KCNIP4: variants seen among roughly 807,000 people sequenced by gnomAD.
The protein encoded by KCNIP4 is Kv channel-interacting protein 4.
KCNIP4 carries 12 observed loss-of-function variants against 34.0 expected under a neutral mutation model. The observed-to-expected ratio is 0.35, with a 90% CI of 0.23 to 0.57. KCNIP4 has a LOEUF of 0.57. KCNIP4 is among the 20% of genes least tolerant of loss of function. The pLI is 0.83. For synonymous variants in KCNIP4, 124 were observed against 102.2 expected (o/e 1.21, Z -1.29); for missense variants, 238 against 311.7 (o/e 0.76, Z 1.78).
At chr4:21,178,827 T>G (rs1252521399) in intron 1 of KCNIP4, among the ~76,000 whole-genome samples, 2 of 150,738 alleles carry the variant, frequency 1.3e-5, no homozygotes, top group Admixed American at 1.3e-4. Flanking sequence ...TTTTTTTTTT[T>G]TTTTTTTGTT....
At chr4:21,730,455 G>A (rs1382668676) in intron 1 of KCNIP4, among the ~76,000 whole-genome samples, 1 of 152,160 alleles carries the variant, frequency 6.6e-6, no homozygotes. Context: ...ATGAATGACA[G>A]CAGGTAAGCG....
chr4:21,138,852 CG>C (rs1402600104), intron 1 of KCNIP4, among the ~76,000 whole-genome samples: 3 of 152,090 alleles, frequency 2.0e-5, no homozygotes, highest in African/African-American at 7.2e-5. Flanking sequence ...GGCAGGAGTG[CG>C]GGCAGCCTGG....
chr4:21,702,701 C>A (rs1197093703), intron 1 of KCNIP4, among the ~76,000 whole-genome samples: 1 of 151,930 alleles, frequency 6.6e-6, no homozygotes, highest in Admixed American at 6.6e-5. Context: ...TAATTCTTCA[C>A]AATCTCTTCC....
intron 3 of KCNIP4, among the ~76,000 whole-genome samples, chr4:20,802,320 C>T (rs1370787714): frequency 6.7e-6 from 1 of 150,090 alleles, no homozygotes; most frequent in African/African-American, 2.4e-5. Flanking sequence ...TATATGCACA[C>T]ACACACACGT....
chr4:20,744,809 A>T (rs949697128), intron 5 of KCNIP4, among the ~76,000 whole-genome samples: 1 of 152,184 alleles, frequency 6.6e-6, no homozygotes, highest in Non-Finnish European at 1.5e-5. Context: ...AGCACGTTTA[A>T]GTCAAGTGTG....
chr4:21,155,966 ATTGGACACAAC>A (rs1753121191), intron 1 of KCNIP4, among the ~76,000 whole-genome samples: 1 of 152,156 alleles, frequency 6.6e-6, no homozygotes. Context: ...AAAAATTGTC[ATTGGACACAAC>A]TTTATACCAC....
chr4:21,845,487 C>T (rs1014644239), intron 1 of KCNIP4: 2 of 152,060 alleles, frequency 1.3e-5, no homozygotes, highest in African/African-American at 4.8e-5. Flanking sequence ...CATTTGCTTA[C>T]CTCTGTCCTA....
intron 1 of KCNIP4, among the ~76,000 whole-genome samples, chr4:21,331,183 C>T (rs1715601029): frequency 6.6e-6 from 1 of 152,120 alleles, no homozygotes; most frequent in Non-Finnish European, 1.5e-5. Context: ...TATGCAGATA[C>T]AGTTTTCCCT....
In KCNIP4 at chr4:21,399,439, TA is replaced by T. The variant is rs577582143; in HGVS notation, c.62-516731del. On this transcript the variant is annotated intron_variant, in intron 1 of 8. Coordinates refer to ENST00000382152, the MANE Select transcript of KCNIP4 (RefSeq NM_025221.6). ...AGAGTAGAAGCCAGAGCTGAGAGAT[TA>T]AATGGATTCCTAATGACATATTAAA... Among the ~76,000 whole-genome samples, 494 of 152,296 alleles carry T rather than the reference TA, an allele frequency of 3.2e-3. 2 individuals carry two copies. The highest frequency in any genetic ancestry group is 0.011 in the African/African-American group (474 of 41,572).
intron 1 of KCNIP4, among the ~76,000 whole-genome samples, chr4:21,388,195 A>G (rs1722212315): frequency 6.6e-6 from 1 of 151,968 alleles, no homozygotes; most frequent in Non-Finnish European, 1.5e-5. Context: ...GATTACCATC[A>G]CTAAAATATA....
At chr4:21,232,577 T>C (rs1758875678) in intron 1 of KCNIP4, among the ~76,000 whole-genome samples, 1 of 152,188 alleles carries the variant, frequency 6.6e-6, no homozygotes, top group Admixed American at 6.5e-5. Flanking sequence ...AAATTATTAT[T>C]GAGAATTTAC....
At chr4:21,250,393 T>C (rs1049283315) in intron 1 of KCNIP4, among the ~76,000 whole-genome samples, 7 of 152,118 alleles carry the variant, frequency 4.6e-5, no homozygotes, top group Non-Finnish European at 8.8e-5. Flanking sequence ...TCTTCACAAA[T>C]GACAGTGAAT....
chr4:21,640,866 G>C (rs1221964286), intron 1 of KCNIP4, among the ~76,000 whole-genome samples: 1 of 152,168 alleles, frequency 6.6e-6, no homozygotes, highest in Non-Finnish European at 1.5e-5. Context: ...GTTGGTGACA[G>C]ATAGGGATTC....
intron 1 of KCNIP4, among the ~76,000 whole-genome samples, chr4:21,087,497 C>G (rs1746578093): frequency 6.6e-6 from 1 of 151,930 alleles, no homozygotes; most frequent in African/African-American, 2.4e-5. Flanking sequence ...CATGTTGGCC[C>G]AGTTGGTCTG....
intron 1 of KCNIP4, among the ~76,000 whole-genome samples, chr4:21,556,282 A>G (rs1738999724): frequency 6.6e-6 from 1 of 152,122 alleles, no homozygotes; most frequent in Non-Finnish European, 1.5e-5. Flanking sequence ...GATGTGTTTT[A>G]TCAACAAATA....
intron 1 of KCNIP4, among the ~76,000 whole-genome samples, chr4:21,717,065 C>G (rs1241253821): frequency 6.6e-6 from 1 of 152,164 alleles, no homozygotes; most frequent in Admixed American, 6.5e-5. Context: ...CTCTTACACT[C>G]ATTATTGTCA....
At chr4:21,248,837 G>T (rs1760477873) in intron 1 of KCNIP4, among the ~76,000 whole-genome samples, 1 of 152,050 alleles carries the variant, frequency 6.6e-6, no homozygotes, top group Non-Finnish European at 1.5e-5. Context: ...ACTCACAGAG[G>T]TTAGTTAAAC....
intron 1 of KCNIP4, among the ~76,000 whole-genome samples, chr4:21,836,546 C>T (rs1723331189): frequency 6.6e-6 from 1 of 152,066 alleles, no homozygotes; most frequent in Admixed American, 6.6e-5. Flanking sequence ...AAAAAAATCA[C>T]AAAACATGGC....
intron 1 of KCNIP4, among the ~76,000 whole-genome samples, chr4:21,189,693 C>T (rs929301925): frequency 6.6e-6 from 1 of 152,266 alleles, no homozygotes; most frequent in Non-Finnish European, 1.5e-5. Context: ...TTTCTATTCT[C>T]CTCAGTTAAA....
Sources: gnomAD v4.1 joint callset for allele counts (sites outside exome capture counted in the v4.1 genomes callset) on GRCh38, gnomAD v4.1.1 for gene constraint, MANE v1.5 for transcripts, NCBI Gene and HGNC (gene_info 2026-07-23, HGNC 2026-07-21) for gene names.